Variants in TNRC6C observed in about 807,000 individuals in gnomAD.
TNRC6C encodes trinucleotide repeat-containing gene 6C protein.
A neutral mutation model predicts 153.7 loss-of-function variants in TNRC6C; 20 were observed. That is an observed-to-expected ratio of 0.13 (90% confidence interval 0.09 to 0.19). The LOEUF (loss-of-function observed/expected upper bound fraction) is 0.19, where lower values mean the gene tolerates loss of function less well. TNRC6C is among the 10% of genes least tolerant of loss of function. The pLI is 1.00. For synonymous variants in TNRC6C, 811 were observed against 841.4 expected (o/e 0.96, Z 0.63); for missense variants, 1,987 against 2,172.0 (o/e 0.91, Z 1.69).
intron 1 of TNRC6C, among the ~76,000 whole-genome samples, chr17:77,971,971 AG>A (rs201453390): frequency 0.011 from 1,734 of 152,272 alleles, 37 homozygotes; most frequent in African/African-American, 0.038. Flanking sequence ...TTAGAAAAGG[AG>A]AAAGATCACA....
intron 1 of TNRC6C, among the ~76,000 whole-genome samples, chr17:77,985,320 C>T (rs1439151887): frequency 3.3e-5 from 5 of 151,968 alleles, no homozygotes; most frequent in African/African-American, 9.7e-5. Flanking sequence ...TGAGGCTGGG[C>T]GCAGTGGCTC....
At position 78,083,201 on chromosome 17, in the gene TNRC6C, A is replaced by G. The variant is rs755034691; in HGVS notation, c.3477+35A>G. 5 of 1,612,138 alleles carry G rather than the reference A, an allele frequency of 3.1e-6. No individual in the cohort carries two copies. The South Asian group carries it at 5.5e-5, about 18-fold the overall frequency. On this transcript the variant is annotated intron_variant, in intron 11 of 19. Coordinates refer to ENST00000301624, the Ensembl canonical transcript of TNRC6C. ...TAGACCCATGCAAGTTAGAGCACGC[A>G]GGCCGAGTGCAGATGCACGGCACCT...
At position 78,049,344 on chromosome 17, in the gene TNRC6C, T is replaced by C. The variant is rs1322504983; in HGVS notation, c.282T>C (p.Ala94=). The change falls in exon 3 of 20, where the codon GCT becomes GCC. Residue 94 remains alanine (A), a synonymous_variant. Transcript: ENST00000301624. This position sits in a 1 kb window ranked among gnomAD's most constrained non-coding sequence, Gnocchi z 4.1. ...GCTGGGGTGCTTCCAACTCCAATGC[T>C]GGCATTAATCTTAACCTTAATCCTA... The C allele has an allele frequency of 6.2e-7, 1 of 1,613,928 alleles. No homozygotes were observed. Among genetic ancestry groups the C allele is most frequent in the Non-Finnish European group, 8.5e-7 (1 of 1,179,920 alleles).
chr17:78,095,548 C>T (rs2073470369), intron 16 of TNRC6C, among the ~76,000 whole-genome samples: 1 of 152,220 alleles, frequency 6.6e-6, no homozygotes, highest in African/African-American at 2.4e-5. Context: ...TGCCCTGGCA[C>T]TTGTACACAG....
upstream of TNRC6C, among the ~76,000 whole-genome samples, chr17:77,958,938 C>G (rs1439034039): frequency 2.1e-5 from 3 of 146,098 alleles, no homozygotes; most frequent in Non-Finnish European, 3.0e-5. Context: ...CCCAGCCGTC[C>G]GCAGCTGCCA....
At position 78,104,268 on chromosome 17, in the gene TNRC6C, G is replaced by A. The variant is rs146549205; in HGVS notation, c.4713-217G>A. 6.2e-4 allele frequency among the ~76,000 whole-genome samples: 94 copies of A among 152,296 alleles called. No individual in the cohort carries two copies. Among genetic ancestry groups the A allele is most frequent in the Non-Finnish European group, 1.0e-3 (70 of 68,032 alleles). ...AGCCCACATTTAATGATCTGTTCAC[G>A]CACTTGAAGATGTACTCTGTGTACC... On this transcript the variant is annotated intron_variant, in intron 19 of 19. Coordinates refer to ENST00000301624, the Ensembl canonical transcript of TNRC6C. This position sits in a 1 kb window ranked among gnomAD's most constrained non-coding sequence, Gnocchi z 6.2.
At chr17:78,078,974 T>A (rs1034990631) in intron 9 of TNRC6C, among the ~76,000 whole-genome samples, 1 of 151,928 alleles carries the variant, frequency 6.6e-6, no homozygotes, top group African/African-American at 2.4e-5. Flanking sequence ...GCGACGGTAA[T>A]CCCAGCTCCT....
At chr17:77,983,342 A>G (rs2071108638) in intron 1 of TNRC6C, among the ~76,000 whole-genome samples, 1 of 152,184 alleles carries the variant, frequency 6.6e-6, no homozygotes, top group Admixed American at 6.5e-5. Flanking sequence ...CACTGAACCA[A>G]CAGGTAGGAA....
At chr17:78,065,785 A>G (rs2072864051) in intron 4 of TNRC6C, among the ~76,000 whole-genome samples, 1 of 152,072 alleles carries the variant, frequency 6.6e-6, no homozygotes, top group Non-Finnish European at 1.5e-5. Flanking sequence ...TTTTCCTCCC[A>G]TTTTCTGAAA....
chr17:77,978,627 T>A (rs947629961), intron 1 of TNRC6C, among the ~76,000 whole-genome samples: 3 of 152,140 alleles, frequency 2.0e-5, no homozygotes, highest in African/African-American at 7.2e-5. Context: ...GTGCTAGGAC[T>A]GAAAACCTGA....
At chr17:78,023,898 T>A (rs2071883693) in intron 1 of TNRC6C, among the ~76,000 whole-genome samples, 1 of 151,992 alleles carries the variant, frequency 6.6e-6, no homozygotes, top group African/African-American at 2.4e-5. Flanking sequence ...TCACCTATGG[T>A]CAGAAGTTCA....
At chr17:77,958,063 G>A (rs1001167868), upstream of TNRC6C, among the ~76,000 whole-genome samples, 2 of 152,204 alleles carry the variant, frequency 1.3e-5, no homozygotes, top group Non-Finnish European at 2.9e-5. Context: ...AGGCGAGCAC[G>A]ATGCTCCAGG....
chr17:78,006,171 G>C (rs2071491801), intron 1 of TNRC6C, among the ~76,000 whole-genome samples: 1 of 152,174 alleles, frequency 6.6e-6, no homozygotes, highest in Non-Finnish European at 1.5e-5. Flanking sequence ...CTGGTTCTTG[G>C]TTAAGAACCA....
Position 77,965,082 on chromosome 17 carries a change from T to C in TNRC6C, c.-38+5814T>C, listed in dbSNP as rs137916200. ...ACAATGTGATTATGTGCCAAGGACA[T>C]GAGTTTATCTTATTTAATCCTCACA... On this transcript the variant is annotated intron_variant, in intron 1 of 22. Coordinates refer to the TNRC6C transcript ENST00000636222. 8.6e-3 allele frequency among the ~76,000 whole-genome samples: 1,317 copies of C among 152,320 alleles called. 13 individuals are homozygous for C. The highest frequency in any genetic ancestry group is 0.038 in the South Asian group (182 of 4,828).
At chr17:77,997,558 A>C (rs750293753) in intron 1 of TNRC6C, among the ~76,000 whole-genome samples, 30 of 152,066 alleles carry the variant, frequency 2.0e-4, no homozygotes, top group Middle Eastern at 3.4e-3. Context: ...CATTGAAACC[A>C]CTTCTCATCA....
At chr17:78,055,089 A>G (rs186973173) in intron 3 of TNRC6C, among the ~76,000 whole-genome samples, 155 of 152,374 alleles carry the variant, frequency 1.0e-3, no homozygotes, top group Middle Eastern at 6.8e-3. Context: ...CTTGGTGAAC[A>G]CTGTACGCTT....
At chr17:77,979,343 T>C (rs189815248) in intron 1 of TNRC6C, among the ~76,000 whole-genome samples, 44 of 152,360 alleles carry the variant, frequency 2.9e-4, no homozygotes, top group Middle Eastern at 6.8e-3. Flanking sequence ...ATCATATGAA[T>C]GTACTAAATT....
chr17:77,958,442 T>C (rs901444078), upstream of TNRC6C, among the ~76,000 whole-genome samples: 1 of 151,392 alleles, frequency 6.6e-6, no homozygotes, highest in East Asian at 2.0e-4. Context: ...CCCCGCGCGG[T>C]GCAGGGAACC....
intron 1 of TNRC6C, among the ~76,000 whole-genome samples, chr17:77,960,147 A>C (rs758527816): frequency 6.6e-6 from 1 of 152,176 alleles, no homozygotes; most frequent in Admixed American, 6.5e-5. Context: ...GCACGTAATT[A>C]GTGGAGTTGT....
Sources: allele counts gnomAD v4.1 joint callset (sites outside exome capture counted in the v4.1 genomes callset), GRCh38; gene constraint gnomAD v4.1.1; non-coding constraint Gnocchi (gnomAD v3.1); transcripts MANE v1.5; gene names NCBI Gene and HGNC (gene_info 2026-07-23, HGNC 2026-07-21).